The following PIK3C2G variants were observed in gnomAD, a reference collection of about 807,000 sequenced individuals.
PIK3C2G encodes phosphatidylinositol-4-phosphate 3-kinase catalytic subunit type 2 gamma, also known as phosphatidylinositol 3-kinase C2 domain-containing subunit gamma.
PIK3C2G carries 168 observed loss-of-function variants against 181.1 expected under a neutral mutation model. The ratio of observed to expected loss-of-function variants is 0.93; its 90% CI spans 0.82 to 1.05. The LOEUF is 1.05. Ranked by LOEUF, PIK3C2G falls within the 50% of genes least tolerant of loss-of-function variation. PIK3C2G has a pLI of 0.00. For missense variants in PIK3C2G, 1,869 were observed against 1,732.8 expected, an observed-to-expected ratio of 1.08 and a Z score of -1.40; for synonymous variants, 573 against 592.2, an observed-to-expected ratio of 0.97 and a Z score of 0.47.
At chr12:18,489,073 T>C (rs566665080) in intron 19 of PIK3C2G, among the ~76,000 whole-genome samples, 3 of 152,216 alleles carry the variant, frequency 2.0e-5, no homozygotes, top group Non-Finnish European at 4.4e-5. Flanking sequence ...AGTAATACTT[T>C]TTATACTAAG....
intron 1 of PIK3C2G, among the ~76,000 whole-genome samples, chr12:18,273,499 A>G (rs1029082883): frequency 1.4e-4 from 22 of 152,064 alleles, no homozygotes; most frequent in Non-Finnish European, 1.0e-4. Context: ...GTTTTTTCCA[A>G]TTCTGTGAAG....
chr12:18,305,793 G>A (rs10770352), intron 5 of PIK3C2G, among the ~76,000 whole-genome samples: 54,399 of 151,768 alleles, frequency 0.36, 9,987 homozygotes, highest in Non-Finnish European at 0.41. Flanking sequence ...AGGATAGAAT[G>A]AAGTCTGCAT....
intron 32 of PIK3C2G, among the ~76,000 whole-genome samples, chr12:18,643,339 G>C (rs1354634349): frequency 6.6e-6 from 1 of 151,836 alleles, no homozygotes; most frequent in Non-Finnish European, 1.5e-5. Context: ...ATTTTAAATT[G>C]CTTCGAAAGC....
At chr12:18,635,295 G>C (rs617336) in intron 31 of PIK3C2G, among the ~76,000 whole-genome samples, 111,991 of 152,158 alleles carry the variant, frequency 0.74, 43,379 homozygotes, top group East Asian at 1. Flanking sequence ...AGCAGCAATG[G>C]AAACCATGGG....
At chr12:18,490,906 A>G (rs1234203936) in intron 19 of PIK3C2G, among the ~76,000 whole-genome samples, 2 of 152,146 alleles carry the variant, frequency 1.3e-5, no homozygotes, top group East Asian at 3.9e-4. Flanking sequence ...AATAACAGAA[A>G]TATACTCATT....
At chr12:18,712,235 A>G in the PIK3C2G span, among the ~76,000 whole-genome samples, 2 of 152,150 alleles carry the variant, frequency 1.3e-5, no homozygotes, top group Non-Finnish European at 2.9e-5. Context: ...CCACGTTTAT[A>G]AATGAAACCA....
intron 4 of PIK3C2G, among the ~76,000 whole-genome samples, 181 bp downstream of exon 4, chr12:18,291,193 T>G (rs573638556): frequency 1.3e-5 from 2 of 152,318 alleles, no homozygotes; most frequent in Admixed American, 6.5e-5. Flanking sequence ...AGCAAAACTA[T>G]TTTCTTCAAG....
At chr12:18,568,916 A>T (rs959081698) in intron 29 of PIK3C2G, among the ~76,000 whole-genome samples, 1 of 152,036 alleles carries the variant, frequency 6.6e-6, no homozygotes, top group African/African-American at 2.4e-5. Context: ...ATGTAAACAC[A>T]CTCAGAAACA....
intron 1 of PIK3C2G, among the ~76,000 whole-genome samples, chr12:18,264,549 A>G (rs1591773959): frequency 6.6e-6 from 1 of 150,820 alleles, no homozygotes; most frequent in South Asian, 2.1e-4. Flanking sequence ...TCATATTTCC[A>G]CCTCCCGCTG....
chr12:18,366,406 A>G (rs1037900525), intron 12 of PIK3C2G, among the ~76,000 whole-genome samples: 11 of 152,010 alleles, frequency 7.2e-5, no homozygotes, highest in African/African-American at 2.7e-4. Context: ...GGTGGCCTGT[A>G]CCTGTAATCC....
chr12:18,475,879 T>C (rs1370487486), intron 18 of PIK3C2G, among the ~76,000 whole-genome samples: 1 of 152,132 alleles, frequency 6.6e-6, no homozygotes, highest in Non-Finnish European at 1.5e-5. Flanking sequence ...TCCAAAATTT[T>C]AATCAATAAA....
chr12:18,683,686 AC>A, the PIK3C2G span: 1 of 1,222,072 alleles, frequency 8.2e-7, no homozygotes, highest in African/African-American at 1.5e-5. Flanking sequence ...AGTGTAAATC[AC>A]CCTGGAAAGG....
chr12:18,633,631 C>T lies in PIK3C2G; in HGVS notation c.4183-6798C>T, dbSNP rs180768858. On this transcript the variant is annotated intron_variant, in intron 31 of 32. Transcript: ENST00000538779. ...TTGCCCTAAATGATCGCCTGTACTC[C>T]AGAAGTACTCTTCCTTAGTTCCATT... Among the ~76,000 whole-genome samples the T allele has an allele frequency of 8.5e-4, 129 of 152,278 alleles. 2 individuals carry two copies. Among genetic ancestry groups the T allele is most frequent in the Non-Finnish European group, 1.2e-4 (8 of 68,030 alleles).
intron 3 of PIK3C2G, 49 bp downstream of exon 3, chr12:18,286,978 A>G: frequency 1.0e-6 from 1 of 969,770 alleles, no homozygotes; most frequent in South Asian, 1.6e-5. Flanking sequence ...GCCTGAATAA[A>G]TTTGTGTATT....
intron 31 of PIK3C2G, among the ~76,000 whole-genome samples, chr12:18,614,338 A>G (rs554266925): frequency 4.3e-4 from 66 of 152,260 alleles, no homozygotes; most frequent in African/African-American, 1.6e-3. Flanking sequence ...TTGACCCTCA[A>G]AGATGACCTA....
the PIK3C2G span, among the ~76,000 whole-genome samples, chr12:18,710,259 C>T: frequency 0.44 from 65,337 of 149,276 alleles, 16,906 homozygotes; most frequent in South Asian, 0.61. Context: ...AAGACTGTCA[C>T]TATTTTTTTT....
At chr12:18,435,380 T>C (rs1026139884) in intron 18 of PIK3C2G, among the ~76,000 whole-genome samples, 16 of 152,266 alleles carry the variant, frequency 1.1e-4, no homozygotes, top group Middle Eastern at 6.8e-3. Flanking sequence ...CATTCTTACC[T>C]ATCCCCAGTC....
chr12:18,504,766 A>G (rs1183669387), intron 23 of PIK3C2G, among the ~76,000 whole-genome samples: 1 of 152,234 alleles, frequency 6.6e-6, no homozygotes, highest in Non-Finnish European at 1.5e-5. Flanking sequence ...TATATGTACT[A>G]TACCAAACAG....
intron 26 of PIK3C2G, among the ~76,000 whole-genome samples, chr12:18,552,303 A>G (rs1944775307): frequency 6.6e-6 from 1 of 152,162 alleles, no homozygotes; most frequent in Non-Finnish European, 1.5e-5. Context: ...AATGTCTTAA[A>G]ACATAGTTCA....
Sources: allele counts gnomAD v4.1 joint callset (sites outside exome capture counted in the v4.1 genomes callset), GRCh38; gene constraint gnomAD v4.1.1; transcripts MANE v1.5; gene names NCBI Gene and HGNC (gene_info 2026-07-23, HGNC 2026-07-21).